The following KIF22 variants were observed in gnomAD, a reference collection of about 807,000 sequenced individuals.
KIF22 encodes the protein kinesin family member 22.
In KIF22, 62 loss-of-function variants were observed where a neutral mutation model predicts 73.0. That is an observed-to-expected ratio of 0.85 (90% CI 0.69 to 1.05). The LOEUF (loss-of-function observed/expected upper bound fraction) is 1.05. KIF22 is among the 50% of genes least tolerant of loss of function. The pLI is 0.00. For synonymous variants in KIF22, 411 were observed against 340.1 expected (o/e 1.21, Z -2.29); for missense variants, 854 against 870.1 (o/e 0.98, Z 0.23).
rs770298237 is a variant in KIF22, at chr16:29,803,646, T to C, written c.1609+38T>C. 2.6e-5 allele frequency: 39 copies of C among 1,525,170 alleles called. No homozygotes were observed. In the Middle Eastern group the frequency reaches 6.2e-4, roughly 24 times the overall value. 94.5% of individuals were successfully genotyped at this position (1,525,170 alleles called of 1,614,324 possible). On this transcript the variant is annotated intron_variant, in intron 10 of 13. Transcript: ENST00000160827. ...CCAGGGGCTGGGGGGCCAAGGCAGC[T>C]GAGATCCTATAAGGGAGGAAGTGTT... is the stretch of plus-strand genomic sequence containing the variant.
rs149549504 is a variant in KIF22, at chr16:29,798,643, C to T, written c.445C>T (p.Arg149Trp). 211 of 1,614,040 alleles carry T rather than the reference C, an allele frequency of 1.3e-4. No individual in the cohort carries two copies. The highest frequency in any genetic ancestry group is 1.8e-4 in the Non-Finnish European group (208 of 1,180,038). ...CCCAGAGCAACCTGGGGTGATCCCGCGGGCTCTCATGGACCTCCTGCAGCT... is the reference window on the plus strand; with the variant it reads ...CCCAGAGCAACCTGGGGTGATCCCGTGGGCTCTCATGGACCTCCTGCAGCT... ...GSPEQPGVIPRALMDLLQLTR... is the reference protein window; with the variant it reads ...GSPEQPGVIPWALMDLLQLTR... Residue 149 changes from arginine (R) to tryptophan (W), a missense_variant, in exon 4 of 14, where the codon CGG (arginine) becomes TGG (tryptophan). By Grantham distance (101) the Arg-to-Trp change is moderately radical (BLOSUM62 -3). Around this residue, in one of 3 missense-constraint regions of KIF22, gnomAD observed 245 missense variants for 351.8 expected, o/e 0.70. Coordinates refer to ENST00000160827, the MANE Select transcript of KIF22 (RefSeq NM_007317.3). The surrounding 1 kb of genome is among the most constrained non-coding windows in gnomAD (Gnocchi z 4.1).
chr16:29,791,253 T>C (rs1240533458), intron 1 of KIF22: 6 of 1,025,166 alleles, frequency 5.9e-6, no homozygotes, highest in Non-Finnish European at 7.0e-6. Context: ...GTGTGGGACA[T>C]GGTGTTTGGG....
In KIF22 at chr16:29,798,073, T is replaced by C. The variant is rs1490296867; in HGVS notation, c.267-301T>C. ...CTCCTTTGAGAGTGTGTTCTTATCT[T>C]CGTTTCCTAAATCACAGCAAAGTGT... On this transcript the variant is annotated intron_variant, in intron 2 of 13. Coordinates refer to ENST00000160827, the MANE Select transcript of KIF22 (RefSeq NM_007317.3). This position sits in a 1 kb window ranked among gnomAD's most constrained non-coding sequence, Gnocchi z 4.1. Among the ~76,000 whole-genome samples, 1 of 152,208 alleles carries C rather than the reference T, an allele frequency of 6.6e-6. No homozygotes were observed. Among genetic ancestry groups the C allele is most frequent in the East Asian group, 1.9e-4 (1 of 5,206 alleles).
Position 29,804,971 on chromosome 16 carries a change from CGAA to C in KIF22, c.1840_1842del (p.Lys614del), listed in dbSNP as rs1444399028. On this transcript the variant is annotated inframe_deletion, in exon 12 of 14. Coordinates refer to ENST00000160827, the MANE Select transcript of KIF22 (RefSeq NM_007317.3). ...CTCCGCAGTCTTCAGCGCATTGGCC[CGAA>C]GAAGGCCCAGCTAATCGTGGGCTGG... 6.2e-7 allele frequency: 1 copy of C among 1,611,710 alleles called. No homozygotes were observed. Among genetic ancestry groups the C allele is most frequent in the Non-Finnish European group, 8.5e-7 (1 of 1,179,170 alleles).
Position 29,798,823 on chromosome 16 carries a change from C to A in KIF22, c.549+76C>A. ...CCTGGTTCTAGAACATGAAGCTCTG[C>A]TGTAGCAGGGAGGTAAGGTGAGACC... On this transcript the variant is annotated intron_variant, in intron 4 of 13. Transcript: ENST00000160827. The surrounding 1 kb of genome is among the most constrained non-coding windows in gnomAD (Gnocchi z 4.1). 1 of 1,574,450 alleles carries A rather than the reference C, an allele frequency of 6.4e-7. No individual in the cohort carries two copies. Among genetic ancestry groups the A allele is most frequent in the South Asian group, 1.2e-5 (1 of 86,440 alleles).
At position 29,796,952 on chromosome 16, in the gene KIF22, G is replaced by C; in HGVS notation, c.130G>C (p.Val44Leu). The change falls in exon 2 of 14, where the codon GTA becomes CTA. Residue 44 changes from valine to leucine, a missense_variant. Physicochemically the swap from Val to Leu is conservative, Grantham distance 32. This residue lies in a region of KIF22 where 186 missense variants were observed against 152.9 expected (regional missense o/e 1.22). Coordinates refer to ENST00000160827, the MANE Select transcript of KIF22 (RefSeq NM_007317.3). Reference protein sequence around the residue: ...GATRRPPPARVRVAVRLRPFV... With the variant: ...GATRRPPPARLRVAVRLRPFV... ...TACTCGTCGTCCACCTCCAGCTCGC[G>C]TAAGGGTGGCTGTGCGACTGCGGCC... The C allele has an allele frequency of 3.1e-6, 5 of 1,614,188 alleles. No individual in the cohort carries two copies. The highest frequency in any genetic ancestry group is 3.4e-6 in the Non-Finnish European group (4 of 1,180,030).
chr16:29,794,747 A>G (rs1397489750), intron 1 of KIF22, among the ~76,000 whole-genome samples: 1 of 151,910 alleles, frequency 6.6e-6, no homozygotes, highest in Non-Finnish European at 1.5e-5. Flanking sequence ...ATACCTGACT[A>G]ATTTTTGTAT....
Position 29,799,678 on chromosome 16 carries a change from T to C in KIF22, c.1041T>C (p.Pro347=). The change falls in exon 7 of 14, where the codon CCT becomes CCC. Residue 347 remains proline, a synonymous_variant. Transcript: ENST00000160827. ...AHSILIANIA[P]ERRFYLDTVS... is the part of the protein sequence containing the mutation. Reference sequence around the variant, plus strand: ...GTATCCTTATTGCCAACATTGCCCCTGAGAGACGCTTCTACCTAGACACAG... The same window carrying C: ...GTATCCTTATTGCCAACATTGCCCCCGAGAGACGCTTCTACCTAGACACAG... 1 of 1,613,986 alleles carries C rather than the reference T, an allele frequency of 6.2e-7. No individual in the cohort carries two copies. The highest frequency in any genetic ancestry group is 8.5e-7 in the Non-Finnish European group (1 of 1,179,946).
At position 29,805,286 on chromosome 16, in the gene KIF22, C is replaced by G; in HGVS notation, c.1974C>G (p.Ala658=). The change falls in exon 14 of 14, where the codon GCC becomes GCG. Residue 658 remains alanine (A), a synonymous_variant. Coordinates refer to ENST00000160827, the MANE Select transcript of KIF22 (RefSeq NM_007317.3). ...FLKANILGLA[A]GQRCGAS is the part of the protein sequence containing the mutation. ...AGGCAAACATCCTGGGTCTCGCCGC[C>G]GGCCAGCGCTGTGGCGCCTCCTGAC... 6.2e-7 allele frequency: 1 copy of G among 1,613,850 alleles called. No homozygotes were observed. The highest frequency in any genetic ancestry group is 8.5e-7 in the Non-Finnish European group (1 of 1,180,046).
intron 1 of KIF22, chr16:29,791,117 G>GT (rs1481927287): frequency 7.2e-5 from 97 of 1,352,894 alleles, no homozygotes; most frequent in Non-Finnish European, 9.1e-5. Flanking sequence ...CGGTTTCTTC[G>GT]TCTGTGAAAC....
chr16:29,803,665 A>G, intron 10 of KIF22, 57 bp downstream of exon 10: 3 of 1,377,632 alleles, frequency 2.2e-6, no homozygotes, highest in South Asian at 2.5e-5. Context: ...ATAAGGGAGG[A>G]AGTGTTAGGA....
chr16:29,804,984 G>A lies in KIF22; in HGVS notation c.1848G>A (p.Gln616=), dbSNP rs2229347. 1.4e-3 allele frequency: 2,180 copies of A among 1,610,832 alleles called. 23 individuals carry two copies. The African/African-American group carries it at 0.025, about 19-fold the overall frequency. Residue 616 remains glutamine (Q), a synonymous_variant, in exon 12 of 14, where the codon CAG becomes CAA. Coordinates refer to ENST00000160827, the MANE Select transcript of KIF22 (RefSeq NM_007317.3). ...SLQRIGPKKA[Q]LIVGWRELHG... is the part of the protein sequence containing the mutation. Reference sequence around the variant, plus strand: ...AGCGCATTGGCCCGAAGAAGGCCCAGCTAATCGTGGGCTGGCGGGAGCTCC... The same window carrying A: ...AGCGCATTGGCCCGAAGAAGGCCCAACTAATCGTGGGCTGGCGGGAGCTCC...
At chr16:29,805,055 G>T in intron 12 of KIF22, 29 bp downstream of exon 12, 3 of 1,611,078 alleles carry the variant, frequency 1.9e-6, no homozygotes, top group South Asian at 1.1e-5. Flanking sequence ...GGGGGAGGGC[G>T]GGGGCGGGGG....
Position 29,799,445 on chromosome 16 carries a change from G to A in KIF22, c.941G>A (p.Gly314Asp). 2 of 1,614,208 alleles carry A rather than the reference G, an allele frequency of 1.2e-6. No individual in the cohort carries two copies. Among genetic ancestry groups the A allele is most frequent in the Non-Finnish European group, 1.7e-6 (2 of 1,180,040 alleles). ...LGKVVDALNQ[G>D]LPRVPYRDSK... Reference sequence around the variant, plus strand: ...AAAGTGGTAGATGCGCTGAATCAGGGCCTCCCTCGTGTACCTTATCGGGAC... The same window carrying A: ...AAAGTGGTAGATGCGCTGAATCAGGACCTCCCTCGTGTACCTTATCGGGAC... Residue 314 changes from glycine (G) to aspartate (D), a missense_variant, in exon 6 of 14, where the codon GGC becomes GAC. Physicochemically the swap from Gly to Asp is moderately conservative, Grantham distance 94. Around this residue, in one of 3 missense-constraint regions of KIF22, gnomAD observed 245 missense variants for 351.8 expected, o/e 0.70. Coordinates refer to ENST00000160827, the MANE Select transcript of KIF22 (RefSeq NM_007317.3).
At chr16:29,794,807 C>G (rs1898908799) in intron 1 of KIF22, among the ~76,000 whole-genome samples, 1 of 152,068 alleles carries the variant, frequency 6.6e-6, no homozygotes, top group African/African-American at 2.4e-5. Flanking sequence ...AACTCCTGAC[C>G]TCAGGTGATC....
rs765047195 is a variant in KIF22, at chr16:29,798,604, A to G, written c.406A>G (p.Thr136Ala). 5 of 1,614,058 alleles carry G rather than the reference A, an allele frequency of 3.1e-6. No homozygotes were observed. The highest frequency in any genetic ancestry group is 4.2e-6 in the Non-Finnish European group (5 of 1,179,968). Residue 136 changes from threonine to alanine, a missense_variant, in exon 4 of 14, where the codon ACA becomes GCA. Physicochemically the swap from Thr to Ala is moderately conservative, Grantham distance 58. This residue lies in a region of KIF22 where 245 missense variants were observed against 351.8 expected (regional missense o/e 0.70). Transcript: ENST00000160827. The surrounding 1 kb of genome is among the most constrained non-coding windows in gnomAD (Gnocchi z 4.1). ...CACTCTCTTCCCAGGGAAGACGCAC[A>G]CAATGCTGGGCAGCCCAGAGCAACC... is the stretch of plus-strand genomic sequence containing the variant. Reference protein sequence around the residue: ...YGPTGAGKTHTMLGSPEQPGV... With the variant: ...YGPTGAGKTHAMLGSPEQPGV...
chr16:29,792,519 G>A (rs1898844951), intron 1 of KIF22: 2 of 512,734 alleles, frequency 3.9e-6, no homozygotes, highest in Non-Finnish European at 2.5e-6. Context: ...AGAAAGGTGA[G>A]CAGGATAAAA....
chr16:29,804,162 T>C, intron 11 of KIF22, 97 bp downstream of exon 11: 2 of 959,536 alleles, frequency 2.1e-6, no homozygotes, highest in Admixed American at 3.5e-5. Flanking sequence ...TTAAACGAAC[T>C]GGATGATGGC....
chr16:29,805,075 AC>A (rs766813522), intron 12 of KIF22, 39 bp from the exon 13 acceptor site: 1 of 1,612,054 alleles, frequency 6.2e-7, no homozygotes, highest in South Asian at 1.1e-5. Flanking sequence ...GAGACCGGGT[AC>A]CCCCGAGACC....
Sources: gnomAD v4.1 joint callset for allele counts (sites outside exome capture counted in the v4.1 genomes callset) on GRCh38, gnomAD v4.1.1 for gene constraint, gnomAD v4.1.1 regional missense constraint, Gnocchi (gnomAD v3.1) non-coding constraint, MANE v1.5 for transcripts, NCBI Gene and HGNC (gene_info 2026-07-23, HGNC 2026-07-21) for gene names.